Variants in SEMA3D observed in about 807,000 individuals in gnomAD.
SEMA3D encodes semaphorin-3D.
In SEMA3D, 84 loss-of-function variants were observed where a neutral mutation model predicts 100.1. That is an observed-to-expected ratio of 0.84 (90% CI 0.70 to 1.01). The LOEUF is 1.01. SEMA3D is among the 50% of genes least tolerant of loss of function. The probability of loss-of-function intolerance (pLI) is 0.00; values close to 1 mark genes in which losing one functional copy is unlikely to be tolerated. For synonymous variants in SEMA3D, 312 were observed against 320.7 expected, an observed-to-expected ratio of 0.97 and a Z score of 0.29; for missense variants, 875 against 934.1, an observed-to-expected ratio of 0.94 and a Z score of 0.82.
Position 84,999,837 on chromosome 7 carries a change from G to A in SEMA3D, c.1937C>T (p.Thr646Met), listed in dbSNP as rs139389337. Reference protein sequence around the residue: ...ELKPDERIIKTEYGLLIRSLQ... With the variant: ...ELKPDERIIKMEYGLLIRSLQ... ...ACTTCGAATCAGTAGCCCATATTCCGTTTTGATGATTCTTTCATCGGGCTT... is the reference window on the plus strand; with the variant it reads ...ACTTCGAATCAGTAGCCCATATTCCATTTTGATGATTCTTTCATCGGGCTT... Residue 646 changes from threonine (T) to methionine (M), a missense_variant, in exon 19 of 19, where the codon ACG becomes ATG. By Grantham distance (81) the Thr-to-Met change is moderately conservative. Transcript: ENST00000284136. 398 of 1,613,122 alleles carry A rather than the reference G, an allele frequency of 2.5e-4. 2 individuals carry two copies. Among genetic ancestry groups the A allele is most frequent in the Non-Finnish European group, 8.0e-5 (94 of 1,179,446 alleles).
At chr7:85,234,251 T>G in the SEMA3D span, among the ~76,000 whole-genome samples, 1 of 152,180 alleles carries the variant, frequency 6.6e-6, no homozygotes, top group South Asian at 2.1e-4. Flanking sequence ...TTTTTATCTG[T>G]TATCTTTGTA....
chr7:85,118,501 T>C (rs556947544), intron 3 of SEMA3D, among the ~76,000 whole-genome samples: 2 of 152,300 alleles, frequency 1.3e-5, no homozygotes, highest in African/African-American at 4.8e-5. Context: ...GATTTTTTTC[T>C]GGCAGATATT....
At chr7:85,084,043 A>G (rs1416772686) in intron 4 of SEMA3D, among the ~76,000 whole-genome samples, 1 of 150,622 alleles carries the variant, frequency 6.6e-6, no homozygotes, top group Non-Finnish European at 1.5e-5. Context: ...GCTACTTGGG[A>G]GGCTGAGGCA....
At chr7:85,219,750 T>C in the SEMA3D span, among the ~76,000 whole-genome samples, 1 of 152,036 alleles carries the variant, frequency 6.6e-6, no homozygotes, top group Non-Finnish European at 1.5e-5. Context: ...TGAAAGATTT[T>C]CCATAATTCT....
intron 1 of SEMA3D, among the ~76,000 whole-genome samples, chr7:85,181,434 A>C (rs1791409358): frequency 6.6e-6 from 1 of 152,150 alleles, no homozygotes; most frequent in Non-Finnish European, 1.5e-5. Flanking sequence ...AAGCTGGAAA[A>C]ATTTGAGTAA....
intron 13 of SEMA3D, among the ~76,000 whole-genome samples, chr7:85,020,940 T>C (rs976908633): frequency 6.6e-6 from 1 of 151,516 alleles, no homozygotes; most frequent in Non-Finnish European, 1.5e-5. Context: ...AAACCAAAAA[T>C]TGACATTTAA....
the SEMA3D span, among the ~76,000 whole-genome samples, chr7:85,215,742 A>G: frequency 2.0e-5 from 3 of 152,140 alleles, no homozygotes; most frequent in Non-Finnish European, 4.4e-5. Context: ...GTAAATATAT[A>G]TTACACTTTT....
the SEMA3D span, among the ~76,000 whole-genome samples, chr7:85,223,156 T>C: frequency 2.0e-5 from 3 of 151,832 alleles, no homozygotes; most frequent in South Asian, 6.2e-4. Context: ...AAAAAATAGA[T>C]GTTGGTGTGA....
intron 12 of SEMA3D, among the ~76,000 whole-genome samples, chr7:85,035,229 T>G (rs1790660911): frequency 6.6e-6 from 1 of 151,340 alleles, no homozygotes; most frequent in South Asian, 2.1e-4. Context: ...ATATGATATA[T>G]GATACATTTA....
chr7:85,149,963 C>T (rs1790320168), intron 2 of SEMA3D, among the ~76,000 whole-genome samples: 1 of 152,022 alleles, frequency 6.6e-6, no homozygotes, highest in South Asian at 2.1e-4. Context: ...TTCAAGGGGT[C>T]ATAGCCATGT....
At chr7:85,245,482 C>CT in the SEMA3D span, among the ~76,000 whole-genome samples, 21 of 152,304 alleles carry the variant, frequency 1.4e-4, no homozygotes, top group African/African-American at 5.1e-4. Context: ...TAATGTTCGA[C>CT]TTTCTCAAAA....
chr7:85,003,523 A>G (rs995120332), intron 18 of SEMA3D, among the ~76,000 whole-genome samples: 1 of 152,186 alleles, frequency 6.6e-6, no homozygotes, highest in East Asian at 1.9e-4. Context: ...AGAGCCATAA[A>G]TCAACAGATT....
chr7:85,177,213 AAATAT>A (rs1791260123), intron 1 of SEMA3D, among the ~76,000 whole-genome samples: 1 of 152,266 alleles, frequency 6.6e-6, no homozygotes, highest in African/African-American at 2.4e-5. Context: ...TATATGTGTA[AAATAT>A]AATAGGGAGA....
chr7:85,185,513 C>T (rs929543260), intron 1 of SEMA3D, among the ~76,000 whole-genome samples: 1 of 152,192 alleles, frequency 6.6e-6, no homozygotes, highest in African/African-American at 2.4e-5. Context: ...CAGAAGCTTG[C>T]CTTTTATTAC....
chr7:85,083,384 G>T lies in SEMA3D; in HGVS notation c.313-1805C>A, dbSNP rs73179853. Reference sequence around the variant, plus strand: ...TGCATGGACCAATGGACAATGGTTAGTCATAAACCCAGAATCGTGAAGCCA... The same window carrying T: ...TGCATGGACCAATGGACAATGGTTATTCATAAACCCAGAATCGTGAAGCCA... On this transcript the variant is annotated intron_variant, in intron 4 of 18. Transcript: ENST00000284136. Among the ~76,000 whole-genome samples, 465 of 152,314 alleles carry T rather than the reference G, an allele frequency of 3.1e-3. 1 individual carries two copies. The highest frequency in any genetic ancestry group is 3.5e-3 in the South Asian group (17 of 4,832).
At chr7:85,159,655 G>C (rs1161563829) in intron 1 of SEMA3D, among the ~76,000 whole-genome samples, 3 of 152,060 alleles carry the variant, frequency 2.0e-5, no homozygotes, top group African/African-American at 7.2e-5. Flanking sequence ...CTCTAACTAG[G>C]CTTCTAATTT....
At chr7:85,158,157 A>G (rs185915095) in intron 1 of SEMA3D, among the ~76,000 whole-genome samples, 14 of 152,330 alleles carry the variant, frequency 9.2e-5, no homozygotes, top group Non-Finnish European at 1.8e-4. Flanking sequence ...GGCACCTTGA[A>G]AAAAGAACAG....
At chr7:85,231,251 T>A in the SEMA3D span, among the ~76,000 whole-genome samples, 1 of 152,124 alleles carries the variant, frequency 6.6e-6, no homozygotes, top group African/African-American at 2.4e-5. Context: ...GTATCCATCT[T>A]GATATATTAT....
the SEMA3D span, among the ~76,000 whole-genome samples, chr7:85,225,103 T>C: frequency 7.6e-3 from 98 of 12,936 alleles, 3 homozygotes; most frequent in African/African-American, 0.029. Context: ...TATATATATA[T>C]ATACATACAT....
Sources: allele counts gnomAD v4.1 joint callset (sites outside exome capture counted in the v4.1 genomes callset), GRCh38; gene constraint gnomAD v4.1.1; transcripts MANE v1.5; gene names NCBI Gene and HGNC (gene_info 2026-07-23, HGNC 2026-07-21).